Variants in CSMD1 observed in about 807,000 individuals in gnomAD.
The protein encoded by CSMD1 is CUB and sushi domain-containing protein 1.
In CSMD1, 213 loss-of-function variants were observed where a neutral mutation model predicts 417.5. That is an observed-to-expected ratio of 0.51 (90% CI 0.46 to 0.57). The LOEUF (loss-of-function observed/expected upper bound fraction) is 0.57. Among genes scored for constraint, CSMD1 ranks in the 20% least tolerant of loss-of-function variants. CSMD1 has a pLI of 0.00. For synonymous variants in CSMD1, 2,862 were observed against 1,736.8 expected, an observed-to-expected ratio of 1.65 and a Z score of -16.11; for missense variants, 6,923 against 4,529.7, an observed-to-expected ratio of 1.53 and a Z score of -15.17.
chr8:4,212,319 T>C (rs1048938162), intron 3 of CSMD1, among the ~76,000 whole-genome samples: 3 of 152,056 alleles, frequency 2.0e-5, no homozygotes, highest in Non-Finnish European at 2.9e-5. Flanking sequence ...CACCCAAATA[T>C]GTATCTACAG....
At chr8:4,803,738 C>G (rs1206084160) in intron 1 of CSMD1, among the ~76,000 whole-genome samples, 1 of 152,106 alleles carries the variant, frequency 6.6e-6, no homozygotes, top group African/African-American at 2.4e-5. Flanking sequence ...TTTTAAAATA[C>G]TAATATAATT....
chr8:3,570,338 C>T (rs1799892367), intron 10 of CSMD1, among the ~76,000 whole-genome samples: 1 of 152,230 alleles, frequency 6.6e-6, no homozygotes, highest in Non-Finnish European at 1.5e-5. Flanking sequence ...GGCTCCTCTT[C>T]CTGGCTTCTA....
At chr8:3,836,290 T>C (rs1460535404) in intron 5 of CSMD1, among the ~76,000 whole-genome samples, 2 of 152,182 alleles carry the variant, frequency 1.3e-5, no homozygotes, top group Non-Finnish European at 2.9e-5. Flanking sequence ...TGATTGAAGC[T>C]TGTAACAAGT....
chr8:4,675,836 C>T (rs1200608627), intron 1 of CSMD1, among the ~76,000 whole-genome samples: 3 of 152,132 alleles, frequency 2.0e-5, no homozygotes, highest in Admixed American at 1.3e-4. Flanking sequence ...CTAATCATCA[C>T]ATTTATGCAG....
At chr8:3,433,768 C>T (rs932786815) in intron 12 of CSMD1, among the ~76,000 whole-genome samples, 5 of 152,164 alleles carry the variant, frequency 3.3e-5, no homozygotes, top group African/African-American at 7.2e-5. Context: ...TATTTCCCTA[C>T]GTAAGACTTC....
intron 13 of CSMD1, 42 bp downstream of exon 13, chr8:3,409,381 T>C (rs748580255): frequency 4.8e-5 from 74 of 1,533,732 alleles, no homozygotes; most frequent in Non-Finnish European, 6.5e-5. Context: ...TGCAAGATCC[T>C]TGCAGGACAG....
At chr8:3,033,937 T>C (rs1039340168) in intron 50 of CSMD1, among the ~76,000 whole-genome samples, 3 of 152,152 alleles carry the variant, frequency 2.0e-5, no homozygotes, top group African/African-American at 7.2e-5. Context: ...TCTCAGCTCA[T>C]CACAGCAGCC....
intron 7 of CSMD1, among the ~76,000 whole-genome samples, chr8:3,670,706 T>C (rs957395335): frequency 2.7e-5 from 4 of 148,520 alleles, no homozygotes; most frequent in African/African-American, 1.0e-4. Context: ...GTATATGGGA[T>C]ATATATGTAT....
intron 54 of CSMD1, among the ~76,000 whole-genome samples, chr8:2,994,171 A>AAAAAAAAAAAAAAAAAAG (rs1320139624): frequency 7.6e-6 from 1 of 131,320 alleles, no homozygotes; most frequent in African/African-American, 2.9e-5. Flanking sequence ...AAAAAAAAAA[A>AAAAAAAAAAAAAAAAAAG]GCAAGAAGAA....
At chr8:4,223,735 G>A (rs1252556541) in intron 3 of CSMD1, among the ~76,000 whole-genome samples, 1 of 152,158 alleles carries the variant, frequency 6.6e-6, no homozygotes, top group East Asian at 1.9e-4. Context: ...AGGAATTTGG[G>A]TCAGATTCTC....
intron 3 of CSMD1, among the ~76,000 whole-genome samples, chr8:4,292,847 G>C (rs756751725): frequency 1.3e-5 from 2 of 152,156 alleles, no homozygotes; most frequent in Non-Finnish European, 2.9e-5. Context: ...TAAGAATAGA[G>C]ATGGAATATT....
At chr8:3,836,739 G>A (rs1045811913) in intron 5 of CSMD1, among the ~76,000 whole-genome samples, 1 of 152,004 alleles carries the variant, frequency 6.6e-6, no homozygotes, top group African/African-American at 2.4e-5. Flanking sequence ...AAGAGACAAT[G>A]AAATTCAGGG....
At chr8:3,563,188 T>C (rs796273376) in intron 10 of CSMD1, among the ~76,000 whole-genome samples, 48 of 152,188 alleles carry the variant, frequency 3.2e-4, no homozygotes, top group African/African-American at 1.2e-3. Context: ...TTTTATTTAG[T>C]TGGGTTTTTT....
At chr8:3,679,105 C>T (rs1799524305) in intron 7 of CSMD1, among the ~76,000 whole-genome samples, 2 of 152,074 alleles carry the variant, frequency 1.3e-5, no homozygotes, top group African/African-American at 4.8e-5. Flanking sequence ...ACCATCGAGG[C>T]TAGGAAGAAA....
At chr8:3,160,083 T>C (rs1198958004) in intron 38 of CSMD1, among the ~76,000 whole-genome samples, 1 of 152,176 alleles carries the variant, frequency 6.6e-6, no homozygotes, top group Non-Finnish European at 1.5e-5. Context: ...GATTGAGGTG[T>C]CCCTCTAAAT....
Position 3,842,347 on chromosome 8 carries a change from C to A in CSMD1, c.819-88305G>T, listed in dbSNP as rs572376107. Among the ~76,000 whole-genome samples, 10 of 152,230 alleles carry A rather than the reference C, an allele frequency of 6.6e-5. No homozygotes were observed. In the South Asian group the frequency reaches 1.9e-3, roughly 28 times the overall value. ...CTCTGACTCAATTAGGTTTTAGATA[C>A]CCATATCAATACCACTAATAATGTA... On this transcript the variant is annotated intron_variant, in intron 5 of 69. Coordinates refer to ENST00000635120, the MANE Select transcript of CSMD1 (RefSeq NM_033225.6).
At chr8:3,600,188 C>T (rs1177872598) in intron 8 of CSMD1, among the ~76,000 whole-genome samples, 1 of 152,182 alleles carries the variant, frequency 6.6e-6, no homozygotes, top group African/African-American at 2.4e-5. Context: ...CCATTGCTTC[C>T]CGAATCTTTC....
chr8:4,140,493 AAAACAAAC>A lies in CSMD1; in HGVS notation c.416-108402_416-108395del, dbSNP rs771767294. On this transcript the variant is annotated intron_variant, in intron 3 of 69. Transcript: ENST00000635120. ...AGTATAAGCAACAAAATCCATCTCAAAAACAAACAAACAAACAAACAAAAATTAGCTGA... is the reference window on the plus strand; with the variant it reads ...AGTATAAGCAACAAAATCCATCTCAAAAACAAACAAACAAAAATTAGCTGA... Among the ~76,000 whole-genome samples the A allele has an allele frequency of 2.3e-5, 3 of 132,994 alleles. 1 individual carries two copies. Among genetic ancestry groups the A allele is most frequent in the Admixed American group, 7.7e-5 (1 of 12,914 alleles). 87.2% of individuals were successfully genotyped at this position (132,994 alleles called of 152,430 possible). A position where few individuals can be genotyped will look rare whatever the true frequency, so the allele number is the denominator to read the frequency against.
chr8:3,244,312 C>T (rs868539362), intron 26 of CSMD1, among the ~76,000 whole-genome samples: 8 of 152,102 alleles, frequency 5.3e-5, no homozygotes, highest in East Asian at 1.9e-4. Flanking sequence ...AGTCAGGCTG[C>T]GGCAATTTAG....
Sources: allele counts gnomAD v4.1 joint callset (sites outside exome capture counted in the v4.1 genomes callset), GRCh38; gene constraint gnomAD v4.1.1; transcripts MANE v1.5; gene names NCBI Gene and HGNC (gene_info 2026-07-23, HGNC 2026-07-21).